Variants in RABGEF1 observed in about 807,000 individuals in gnomAD.
RABGEF1 encodes RAB guanine nucleotide exchange factor 1, also known as rab5 GDP/GTP exchange factor.
In RABGEF1, 26 loss-of-function variants were observed where a neutral mutation model predicts 57.3. The ratio of observed to expected loss-of-function variants is 0.45; its 90% CI spans 0.33 to 0.63. The LOEUF (loss-of-function observed/expected upper bound fraction) is 0.63, where lower values mean the gene tolerates loss of function less well. Ranked by LOEUF, RABGEF1 falls within the 20% of genes least tolerant of loss-of-function variation. RABGEF1 has a pLI of 0.02. For missense variants in RABGEF1, 464 were observed against 607.6 expected (o/e 0.76, Z 2.48); for synonymous variants, 185 against 210.7 (o/e 0.88, Z 1.06).
intron 1 of RABGEF1, among the ~76,000 whole-genome samples, chr7:66,762,465 C>T (rs1756768222): frequency 6.6e-6 from 1 of 152,044 alleles, no homozygotes; most frequent in African/African-American, 2.4e-5. Flanking sequence ...GTGCCACATG[C>T]TATAGTCCCA....
At chr7:66,679,941 C>A (rs1789578158), upstream of RABGEF1, among the ~76,000 whole-genome samples, 1 of 152,152 alleles carries the variant, frequency 6.6e-6, no homozygotes, top group East Asian at 1.9e-4. Flanking sequence ...ACTGGGGAGG[C>A]TGAGGCAAAA....
chr7:66,795,764 C>T (rs1461228866), intron 5 of RABGEF1, among the ~76,000 whole-genome samples, 172 bp downstream of exon 5: 2 of 152,212 alleles, frequency 1.3e-5, no homozygotes, highest in African/African-American at 4.8e-5. Flanking sequence ...TGAACTGTAC[C>T]ATGCGTATCT....
intron 1 of RABGEF1, among the ~76,000 whole-genome samples, chr7:66,771,048 T>C (rs34559676): frequency 0.1 from 15,763 of 152,268 alleles, 991 homozygotes; most frequent in South Asian, 0.2. Flanking sequence ...TTATTAGATA[T>C]ATGGTTTGCA....
At chr7:66,755,512 A>G (rs2129070379) in intron 1 of RABGEF1, among the ~76,000 whole-genome samples, 1 of 152,204 alleles carries the variant, frequency 6.6e-6, no homozygotes, top group East Asian at 1.9e-4. Flanking sequence ...AAAGAAAAGA[A>G]ATGCCTTTAA....
intron 2 of RABGEF1, among the ~76,000 whole-genome samples, chr7:66,729,809 T>C (rs1194143848): frequency 1.3e-5 from 2 of 152,206 alleles, no homozygotes; most frequent in Non-Finnish European, 2.9e-5. Flanking sequence ...GGCTGCCTTG[T>C]GGAGCACGTC....
the RABGEF1 span, among the ~76,000 whole-genome samples, chr7:66,655,922 T>C: frequency 3.1e-4 from 47 of 152,102 alleles, no homozygotes; most frequent in Non-Finnish European, 3.4e-4. Context: ...TTCAAAACAG[T>C]GTGGTAAGGA....
intron 1 of RABGEF1, among the ~76,000 whole-genome samples, chr7:66,741,595 AG>A (rs1029695993): frequency 6.6e-6 from 1 of 152,192 alleles, no homozygotes; most frequent in African/African-American, 2.4e-5. Context: ...CTTTGAGATT[AG>A]GTAGGAAATT....
intron 2 of RABGEF1, chr7:66,773,749 T>A (rs1242914016): frequency 8.8e-6 from 4 of 453,800 alleles, no homozygotes; most frequent in Non-Finnish European, 1.8e-5. Flanking sequence ...TACTGCAACC[T>A]CTGCTTCCTG....
In RABGEF1 at chr7:66,809,392, ATT is replaced by A; in HGVS notation, c.*113_*114del. 1 of 775,156 alleles carries A rather than the reference ATT, an allele frequency of 1.3e-6. No homozygotes were observed. The highest frequency in any genetic ancestry group is 1.9e-6 in the Non-Finnish European group (1 of 524,044). The allele number at this position is 775,156 out of a possible 1,614,324, so 48.0% of individuals were successfully genotyped here. A position where few individuals can be genotyped will look rare whatever the true frequency, so the allele number is the denominator to read the frequency against. ...AACTAAATTGCTTATAAATGTCAGC[ATT>A]TTTTAAAGGTACAGTATATGGGGAT... On this transcript the variant is annotated 3_prime_UTR_variant, in exon 9 of 9. Coordinates refer to ENST00000284957, the MANE Select transcript of RABGEF1 (RefSeq NM_014504.3).
the RABGEF1 span, among the ~76,000 whole-genome samples, chr7:66,659,595 C>T: frequency 5.9e-5 from 9 of 151,906 alleles, no homozygotes; most frequent in Middle Eastern, 3.2e-3. Flanking sequence ...GCCTGGGGAA[C>T]GTAGTGAAAC....
chr7:66,701,960 A>T (rs1334502025), intron 1 of RABGEF1, among the ~76,000 whole-genome samples: 7 of 152,210 alleles, frequency 4.6e-5, no homozygotes, highest in Non-Finnish European at 1.0e-4. Context: ...TGTAAAATTC[A>T]GTGGCATTAA....
chr7:66,663,436 G>A, the RABGEF1 span, among the ~76,000 whole-genome samples: 1 of 152,106 alleles, frequency 6.6e-6, no homozygotes, highest in Admixed American at 6.6e-5. Context: ...TAATTGGCTG[G>A]GCGTGGTGGT....
At chr7:66,707,076 C>T (rs62466143) in intron 1 of RABGEF1, among the ~76,000 whole-genome samples, 6,001 of 152,238 alleles carry the variant, frequency 0.039, 164 homozygotes, top group East Asian at 0.085. Context: ...TGAGCCACCG[C>T]GCCCGGCCCG....
At chr7:66,674,722 A>T in the RABGEF1 span, among the ~76,000 whole-genome samples, 2 of 152,160 alleles carry the variant, frequency 1.3e-5, no homozygotes, top group Non-Finnish European at 2.9e-5. Context: ...ATATAATTCT[A>T]TTTATATAAA....
chr7:66,683,162 G>C (rs1335333576), intron 1 of RABGEF1, among the ~76,000 whole-genome samples: 1 of 151,604 alleles, frequency 6.6e-6, no homozygotes, highest in Non-Finnish European at 1.5e-5. Context: ...TATTTTTTTC[G>C]AGATGGGATC....
intron 1 of RABGEF1, among the ~76,000 whole-genome samples, chr7:66,760,905 A>G (rs547526520): frequency 5.3e-5 from 8 of 152,314 alleles, no homozygotes; most frequent in African/African-American, 1.9e-4. Flanking sequence ...CTGGGATTGT[A>G]GGCGTGAACC....
In RABGEF1 at chr7:66,758,788, G is replaced by C. The variant is rs575438418; in HGVS notation, c.-17-13095G>C. On this transcript the variant is annotated intron_variant, in intron 1 of 8. Coordinates refer to ENST00000284957, the MANE Select transcript of RABGEF1 (RefSeq NM_014504.3). ...TACCCTTGCTCTCTTTTTATACTTA[G>C]AAGCAGCAGAATGATCTGAGTGTTG... 1.3e-3 allele frequency among the ~76,000 whole-genome samples: 196 copies of C among 152,308 alleles called. 1 individual carries two copies. Among genetic ancestry groups the C allele is most frequent in the African/African-American group, 4.7e-3 (196 of 41,566 alleles).
intron 3 of RABGEF1, among the ~76,000 whole-genome samples, chr7:66,775,752 G>A (rs1808371656): frequency 6.6e-6 from 1 of 152,108 alleles, no homozygotes; most frequent in Admixed American, 6.5e-5. Context: ...ACTGTTCATA[G>A]CTTGTCAGAA....
intron 1 of RABGEF1, among the ~76,000 whole-genome samples, chr7:66,695,921 G>A (rs1392796561): frequency 8.6e-5 from 13 of 151,326 alleles, no homozygotes; most frequent in Admixed American, 4.6e-4. Flanking sequence ...AGCTGAGATC[G>A]CACCACCGTA....
Sources: allele counts gnomAD v4.1 joint callset (sites outside exome capture counted in the v4.1 genomes callset), GRCh38; gene constraint gnomAD v4.1.1; transcripts MANE v1.5; gene names NCBI Gene and HGNC (gene_info 2026-07-23, HGNC 2026-07-21).